Variants in DNAH2 observed in about 807,000 individuals in gnomAD.
DNAH2 encodes the protein dynein axonemal heavy chain 2, also known as axonemal beta dynein heavy chain 2.
A neutral mutation model predicts 523.5 loss-of-function variants in DNAH2; 323 were observed. That is an observed-to-expected ratio of 0.62 (90% CI 0.56 to 0.68). The LOEUF is 0.68. DNAH2 is among the 30% of genes least tolerant of loss of function. The pLI is 0.00. For synonymous variants in DNAH2, 2,093 were observed against 2,177.4 expected, an observed-to-expected ratio of 0.96 and a Z score of 1.08; for missense variants, 4,907 against 5,701.5, an observed-to-expected ratio of 0.86 and a Z score of 4.49.
chr17:7,824,262 GCCC>G lies in DNAH2; in HGVS notation c.11623_11625del (p.Pro3875del), dbSNP rs2077955929. ...CGCCCTGTCCCTGGGCCAGGGCCAG[GCCC>G]CCATCGCTGCTCGGCTCCTCCGAGA... On this transcript the variant is annotated inframe_deletion, in exon 76 of 86. Transcript: ENST00000572933. The G allele has an allele frequency of 6.4e-7, 1 of 1,556,430 alleles. No homozygotes were observed. The highest frequency in any genetic ancestry group is 1.7e-4 in the Middle Eastern group (1 of 5,716).
rs778755975 is a variant in DNAH2, at chr17:7,759,798, T to C, written c.2645T>C (p.Phe882Ser). The stretch of plus-strand genomic sequence containing the variant: ...CCACTGGGTTCCTCACAGGTGGAAT[T>C]CTCACCCACTCTGCAGACTTTGGCA... ...DLQGSVAQVE[F>S]SPTLQTLAGV... is the part of the protein sequence containing the mutation. Residue 882 changes from phenylalanine to serine, a missense_variant, in exon 17 of 86, where the codon TTC becomes TCC. Coordinates refer to ENST00000572933, the MANE Select transcript of DNAH2 (RefSeq NM_020877.5). 28 of 1,614,032 alleles carry C rather than the reference T, an allele frequency of 1.7e-5. No homozygotes were observed. Among genetic ancestry groups the C allele is most frequent in the Non-Finnish European group, 2.3e-5 (27 of 1,180,010 alleles).
chr17:7,731,273 C>A (rs1156390035), intron 4 of DNAH2, among the ~76,000 whole-genome samples: 1 of 151,954 alleles, frequency 6.6e-6, no homozygotes, highest in African/African-American at 2.4e-5. Context: ...TGGATTGGGT[C>A]TTTCAAAGCA....
intron 28 of DNAH2, among the ~76,000 whole-genome samples, chr17:7,771,908 C>T (rs553060809): frequency 5.9e-5 from 9 of 151,872 alleles, no homozygotes; most frequent in African/African-American, 1.2e-4. Flanking sequence ...GTAGAGATGG[C>T]GTTTCACCAA....
intron 11 of DNAH2, among the ~76,000 whole-genome samples, chr17:7,741,327 T>C (rs183659400): frequency 0.25 from 12,787 of 50,302 alleles, 1,211 homozygotes; most frequent in Non-Finnish European, 0.31. Context: ...CCCTCCCTCC[T>C]TCCTTCCTTC....
intron 12 of DNAH2, among the ~76,000 whole-genome samples, 177 bp from the exon 13 acceptor site, chr17:7,756,914 G>C (rs916060691): frequency 6.6e-6 from 1 of 152,120 alleles, no homozygotes; most frequent in Non-Finnish European, 1.5e-5. Context: ...CAAGTGATCC[G>C]CCTGCCTCGG....
Position 7,793,209 on chromosome 17 carries a change from A to G in DNAH2, c.7569+4A>G. ...GCAGACCATCAAGTACATTCGAGTA[A>G]GCCTCGCTAGAGTCTGTTCTTCAGG... On this transcript the variant is annotated splice_donor_region_variant and intron_variant, in intron 48 of 85. Transcript: ENST00000572933. 6.2e-7 allele frequency: 1 copy of G among 1,612,306 alleles called. No homozygotes were observed. Among genetic ancestry groups the G allele is most frequent in the Non-Finnish European group, 8.5e-7 (1 of 1,178,694 alleles).
chr17:7,745,725 G>A (rs763833335), intron 12 of DNAH2, among the ~76,000 whole-genome samples: 1 of 150,570 alleles, frequency 6.6e-6, no homozygotes, highest in Non-Finnish European at 1.5e-5. Flanking sequence ...AGGATATTGA[G>A]GCTGCAATGA....
intron 44 of DNAH2, among the ~76,000 whole-genome samples, chr17:7,791,229 C>T (rs1471571305): frequency 1.3e-5 from 2 of 151,978 alleles, no homozygotes; most frequent in African/African-American, 2.4e-5. Flanking sequence ...CACCACCACA[C>T]CCGGCTAATT....
chr17:7,786,970 C>T lies in DNAH2; in HGVS notation c.6540C>T (p.Ser2180=), dbSNP rs747362002. The T allele has an allele frequency of 1.1e-5, 18 of 1,614,132 alleles. No homozygotes were observed. The highest frequency in any genetic ancestry group is 6.7e-5 in the East Asian group (3 of 44,888). Residue 2180 remains serine (S), a synonymous_variant, in exon 42 of 86, where the codon TCC becomes TCT. Coordinates refer to ENST00000572933, the MANE Select transcript of DNAH2 (RefSeq NM_020877.5). The surrounding 1 kb of genome is among the most constrained non-coding windows in gnomAD (Gnocchi z 7.5). ...CACTGTGGATCGAGAACATGAACTC[C>T]GTCATGGACGATAACAAGGTGTTGA... ...VDTLWIENMN[S]VMDDNKVLTL...
chr17:7,779,447 A>G (rs1597631332), intron 36 of DNAH2, 24 bp downstream of exon 36: 1 of 1,607,716 alleles, frequency 6.2e-7, no homozygotes, highest in South Asian at 1.1e-5. Context: ...AGTGGATGGG[A>G]CTCCTGGGGT....
intron 48 of DNAH2, among the ~76,000 whole-genome samples, chr17:7,793,447 T>TTTTCTTTCTTTCTTTC (rs557051250): frequency 2.7e-4 from 26 of 96,498 alleles, no homozygotes; most frequent in East Asian, 1.6e-3. Context: ...CTTTCTTTCT[T>TTTTCTTTCTTTCTTTC]TTTCTTTCTT....
rs759935802 is a variant in DNAH2 at position 7,819,322 on chromosome 17, T to A, written c.10929T>A (p.Ile3643=). ...FSLDAYISLF[I]LSIDKSHRSN... The stretch of plus-strand genomic sequence containing the variant: ...TGGATGCCTACATCAGCCTCTTTAT[T>A]CTCAGCATTGACAAAAGCCACCGCA... The change falls in exon 72 of 86, where the codon ATT becomes ATA. Residue 3643 remains isoleucine, a synonymous_variant. Transcript: ENST00000572933. The A allele has an allele frequency of 6.2e-7, 1 of 1,614,222 alleles. No individual in the cohort carries two copies. The highest frequency in any genetic ancestry group is 1.1e-5 in the South Asian group (1 of 91,088).
chr17:7,731,757 A>G (rs1442097107), intron 4 of DNAH2, among the ~76,000 whole-genome samples: 1 of 152,168 alleles, frequency 6.6e-6, no homozygotes, highest in Non-Finnish European at 1.5e-5. Flanking sequence ...GGCCGGGCAC[A>G]GTGGCTCACG....
Position 7,824,677 on chromosome 17 carries a change from C to T in DNAH2, c.11803C>T (p.Pro3935Ser). The T allele has an allele frequency of 6.2e-7, 1 of 1,603,096 alleles. No individual in the cohort carries two copies. ...CAGCTCCATCCCCCACCCAGACTTC[C>T]CTATCTCAATCTTGCAGGTCAGCAT... ...WLSSIPHPDFPISILQVSIKM... is the reference protein window; with the variant it reads ...WLSSIPHPDFSISILQVSIKM... Residue 3935 changes from proline to serine, a missense_variant, in exon 77 of 86, where the codon CCT (proline) becomes TCT (serine). Physicochemically the swap from Pro to Ser is moderately conservative, Grantham distance 74. Coordinates refer to ENST00000572933, the MANE Select transcript of DNAH2 (RefSeq NM_020877.5).
chr17:7,737,440 G>A (rs2075174666), intron 8 of DNAH2, among the ~76,000 whole-genome samples, 182 bp downstream of exon 8: 1 of 152,208 alleles, frequency 6.6e-6, no homozygotes, highest in Non-Finnish European at 1.5e-5. Context: ...GCTCAGCATT[G>A]GAGCCTGGGC....
At chr17:7,774,476 CTG>C (rs1319017396) in intron 28 of DNAH2, among the ~76,000 whole-genome samples, 1 of 152,170 alleles carries the variant, frequency 6.6e-6, no homozygotes, top group Non-Finnish European at 1.5e-5. Context: ...GGACGTGAAA[CTG>C]TGGATAAGGG....
intron 24 of DNAH2, among the ~76,000 whole-genome samples, chr17:7,768,575 T>C (rs2076233927): frequency 6.6e-6 from 1 of 152,178 alleles, no homozygotes; most frequent in Non-Finnish European, 1.5e-5. Flanking sequence ...GAAAAGCTAC[T>C]CTCAGTGATT....
In DNAH2 at chr17:7,740,909, G is replaced by A; in HGVS notation, c.1606G>A (p.Asp536Asn). The part of the protein sequence containing the change: ...VNRERNKKWP[D>N]LEPYVAQYSG... ...CCGTGAACGGAACAAGAAATGGCCA[G>A]ACCTGGAGCCCTACGTGGCCCAGTA... The change falls in exon 11 of 86, where the codon GAC becomes AAC. Residue 536 changes from aspartate (D) to asparagine (N), a missense_variant. By Grantham distance (23) the Asp-to-Asn change is conservative (BLOSUM62 1). Around this residue, in one of 3 missense-constraint regions of DNAH2, gnomAD observed 2,806 missense variants for 3,190.8 expected, o/e 0.88. Coordinates refer to ENST00000572933, the MANE Select transcript of DNAH2 (RefSeq NM_020877.5). The A allele has an allele frequency of 1.2e-6, 2 of 1,613,998 alleles. No homozygotes were observed. The highest frequency in any genetic ancestry group is 1.7e-6 in the Non-Finnish European group (2 of 1,179,856).
intron 71 of DNAH2, 52 bp from the exon 72 acceptor site, chr17:7,819,157 G>A: frequency 1.2e-6 from 2 of 1,608,230 alleles, no homozygotes; most frequent in South Asian, 1.1e-5. Flanking sequence ...CTGAGCCCCT[G>A]CTCCCTGCCA....
Sources: allele counts gnomAD v4.1 joint callset (sites outside exome capture counted in the v4.1 genomes callset), GRCh38; gene constraint gnomAD v4.1.1; regional missense constraint gnomAD v4.1.1; non-coding constraint Gnocchi (gnomAD v3.1); transcripts MANE v1.5; gene names NCBI Gene and HGNC (gene_info 2026-07-23, HGNC 2026-07-21).